Variants in ADCY10 observed in about 807,000 individuals in gnomAD.
ADCY10 encodes the protein adenylate cyclase type 10.
In ADCY10, 156 loss-of-function variants were observed where a neutral mutation model predicts 183.3. That is an observed-to-expected ratio of 0.85 (90% CI 0.75 to 0.97). The LOEUF (loss-of-function observed/expected upper bound fraction) is 0.97, where lower values mean the gene tolerates loss of function less well. ADCY10 is among the 50% of genes least tolerant of loss of function. The probability of loss-of-function intolerance (pLI) is 0.00; values close to 1 mark genes in which losing one functional copy is unlikely to be tolerated. For synonymous variants in ADCY10, 645 were observed against 670.0 expected (o/e 0.96, Z 0.58); for missense variants, 1,745 against 1,934.3 (o/e 0.90, Z 1.84).
chr1:167,908,092 C>T (rs910979278), intron 1 of ADCY10, among the ~76,000 whole-genome samples: 5 of 152,148 alleles, frequency 3.3e-5, no homozygotes, highest in African/African-American at 1.2e-4. Context: ...AATCAGTATC[C>T]CTGCACTCCC....
chr1:167,828,331 A>T (rs1663465720), intron 26 of ADCY10, among the ~76,000 whole-genome samples: 1 of 152,236 alleles, frequency 6.6e-6, no homozygotes, highest in Non-Finnish European at 1.5e-5. Flanking sequence ...CAACTCAGTG[A>T]GTTAAATAAA....
intron 30 of ADCY10, chr1:167,819,899 C>T: frequency 2.2e-6 from 2 of 927,264 alleles, no homozygotes; most frequent in Admixed American, 1.9e-5. Context: ...AAAGCCAAAT[C>T]GGATCAACAG....
rs767294552 is a variant in ADCY10 at position 167,859,818 on chromosome 1, T to A, written c.1885A>T (p.Ile629Phe). The stretch of plus-strand genomic sequence containing the variant: ...ACAGATGCTCTTACCAGCTTCAAGA[T>A]CTTCATAAACAATATTTCCAATTGT... ...QKQLEILFMKILKLIVKEERI... is the reference protein window; with the variant it reads ...QKQLEILFMKFLKLIVKEERI... Residue 629 changes from isoleucine (I) to phenylalanine (F), a missense_variant, in exon 16 of 33, where the codon ATC becomes TTC. Physicochemically the swap from Ile to Phe is conservative, Grantham distance 21. Transcript: ENST00000367851. 6.2e-7 allele frequency: 1 copy of A among 1,613,232 alleles called. No homozygotes were observed. The highest frequency in any genetic ancestry group is 8.5e-7 in the Non-Finnish European group (1 of 1,179,276).
intron 21 of ADCY10, among the ~76,000 whole-genome samples, chr1:167,842,590 GC>G (rs1266998001): frequency 1.9e-4 from 14 of 73,596 alleles, no homozygotes; most frequent in African/African-American, 1.0e-3. Flanking sequence ...GGAAGACACT[GC>G]AAAAAAAAAA....
At chr1:167,899,763 T>C (rs1669262102) in intron 5 of ADCY10, 135 bp from the exon 6 acceptor site, 1 of 824,444 alleles carries the variant, frequency 1.2e-6, no homozygotes, top group Non-Finnish European at 2.0e-6. Context: ...AAACTTTACA[T>C]AGGAATTATG....
intron 30 of ADCY10, among the ~76,000 whole-genome samples, chr1:167,819,206 T>C (rs1662716008): frequency 6.6e-6 from 1 of 152,056 alleles, no homozygotes; most frequent in Admixed American, 6.6e-5. Flanking sequence ...CTTCAGAGTA[T>C]ATGGTACAAT....
chr1:167,904,279 G>T (rs914315930), intron 2 of ADCY10, among the ~76,000 whole-genome samples: 5 of 151,934 alleles, frequency 3.3e-5, no homozygotes, highest in African/African-American at 1.2e-4. Context: ...GTACAGATGG[G>T]GTTTCACCAT....
intron 19 of ADCY10, among the ~76,000 whole-genome samples, chr1:167,846,951 A>C (rs1194008981): frequency 6.6e-6 from 1 of 150,536 alleles, no homozygotes; most frequent in East Asian, 1.9e-4. Context: ...TTTGAGATGG[A>C]GTCTCACTCT....
At chr1:167,842,410 C>T (rs1393918116) in intron 21 of ADCY10, among the ~76,000 whole-genome samples, 1 of 152,126 alleles carries the variant, frequency 6.6e-6, no homozygotes, top group Non-Finnish European at 1.5e-5. Flanking sequence ...ATCCTTCCAC[C>T]TCAGCTTCCC....
chr1:167,871,512 A>G (rs1454133684), intron 13 of ADCY10, among the ~76,000 whole-genome samples: 1 of 152,248 alleles, frequency 6.6e-6, no homozygotes, highest in African/African-American at 2.4e-5. Context: ...TGAAATCTGA[A>G]ACCCTGCTGT....
At chr1:167,887,500 A>T (rs1448227451) in intron 8 of ADCY10, among the ~76,000 whole-genome samples, 1 of 152,104 alleles carries the variant, frequency 6.6e-6, no homozygotes, top group Admixed American at 6.5e-5. Context: ...AACAATGAGA[A>T]CACTTAGACA....
intron 30 of ADCY10, chr1:167,819,853 C>T: frequency 1.4e-6 from 1 of 737,532 alleles, no homozygotes; most frequent in Middle Eastern, 2.4e-4. Context: ...GTGTCAGCCA[C>T]CGCGCCCGGC....
At chr1:167,826,081 C>T (rs1663267712) in intron 26 of ADCY10, among the ~76,000 whole-genome samples, 1 of 152,044 alleles carries the variant, frequency 6.6e-6, no homozygotes, top group Non-Finnish European at 1.5e-5. Flanking sequence ...TCAGATGGGA[C>T]AAAATAAGCA....
At chr1:167,882,258 G>A (rs931888108) in intron 9 of ADCY10, among the ~76,000 whole-genome samples, 1 of 152,154 alleles carries the variant, frequency 6.6e-6, no homozygotes, top group Non-Finnish European at 1.5e-5. Flanking sequence ...GCCGAGGCAG[G>A]TGGATCACTT....
Position 167,903,955 on chromosome 1 carries a change from A to C in ADCY10, c.185T>G (p.Met62Arg). The change falls in exon 3 of 33, where the codon ATG (methionine) becomes AGG (arginine). Residue 62 changes from methionine to arginine, a missense_variant. Transcript: ENST00000367851. ...TAMTEKFSSA[M>R]YMDRGAEQLV... Reference sequence around the variant, plus strand: ...CTGCTCAGCCCCTCTGTCCATGTACATGGCACTGCTGAACTTCTCAGTCAT... The same window carrying C: ...CTGCTCAGCCCCTCTGTCCATGTACCTGGCACTGCTGAACTTCTCAGTCAT... 1 of 1,614,060 alleles carries C rather than the reference A, an allele frequency of 6.2e-7. No homozygotes were observed. Among genetic ancestry groups the C allele is most frequent in the Non-Finnish European group, 8.5e-7 (1 of 1,179,932 alleles).
chr1:167,867,592 A>AT (rs1481391986), intron 14 of ADCY10, among the ~76,000 whole-genome samples: 1 of 152,196 alleles, frequency 6.6e-6, no homozygotes, highest in Admixed American at 6.5e-5. Flanking sequence ...GTTATGACCC[A>AT]TTTTAAGCCT....
intron 31 of ADCY10, among the ~76,000 whole-genome samples, chr1:167,813,085 T>C (rs1227548928): frequency 6.6e-6 from 1 of 152,130 alleles, no homozygotes; most frequent in Non-Finnish European, 1.5e-5. Flanking sequence ...CTAGAAAGAA[T>C]ATTTGAAGAA....
intron 24 of ADCY10, 78 bp from the exon 25 acceptor site, chr1:167,833,240 T>C (rs2101903332): frequency 9.7e-6 from 13 of 1,346,722 alleles, no homozygotes; most frequent in Middle Eastern, 3.6e-4. Context: ...CAACAATCCA[T>C]ATTTTGGGGA....
chr1:167,859,809 G>C lies in ADCY10; in HGVS notation c.1894C>G (p.Leu632Val), dbSNP rs770762565. Residue 632 changes from leucine (L) to valine (V), a missense_variant and splice_region_variant, in exon 16 of 33, where the codon CTG becomes GTG. Coordinates refer to ENST00000367851, the MANE Select transcript of ADCY10 (RefSeq NM_018417.6). ...LEILFMKILKLIVKEERIIFI... is the reference protein window; with the variant it reads ...LEILFMKILKVIVKEERIIFI... Reference sequence around the variant, plus strand: ...TCTTGACCCACAGATGCTCTTACCAGCTTCAAGATCTTCATAAACAATATT... The same window carrying C: ...TCTTGACCCACAGATGCTCTTACCACCTTCAAGATCTTCATAAACAATATT... 6.2e-7 allele frequency: 1 copy of C among 1,611,884 alleles called. No homozygotes were observed. Among genetic ancestry groups the C allele is most frequent in the East Asian group, 2.2e-5 (1 of 44,860 alleles).
Sources: gnomAD v4.1 joint callset for allele counts (sites outside exome capture counted in the v4.1 genomes callset) on GRCh38, gnomAD v4.1.1 for gene constraint, MANE v1.5 for transcripts, NCBI Gene and HGNC (gene_info 2026-07-23, HGNC 2026-07-21) for gene names.